TENM2: variants seen among roughly 807,000 people sequenced by gnomAD.
TENM2 encodes teneurin-2.
TENM2 carries 52 observed loss-of-function variants against 245.2 expected under a neutral mutation model. That is an observed-to-expected ratio of 0.21 (90% CI 0.17 to 0.27). The LOEUF is 0.27. Among genes scored for constraint, TENM2 ranks in the 10% least tolerant of loss-of-function variants. The pLI, the probability that TENM2 is intolerant of heterozygous loss-of-function variation, is 1.00. For synonymous variants in TENM2, 1,363 were observed against 1,438.9 expected (o/e 0.95, Z 1.19); for missense variants, 3,046 against 3,666.8 (o/e 0.83, Z 4.37).
At chr5:167,049,630 G>A in the TENM2 span, among the ~76,000 whole-genome samples, 1 of 152,150 alleles carries the variant, frequency 6.6e-6, no homozygotes, top group African/African-American at 2.4e-5. Context: ...TTTTTATAAT[G>A]TAAACAATAA....
At chr5:167,183,162 C>T in the TENM2 span, among the ~76,000 whole-genome samples, 1 of 152,022 alleles carries the variant, frequency 6.6e-6, no homozygotes, top group Admixed American at 6.6e-5. Flanking sequence ...CTCATTCACG[C>T]ACATGATTAG....
the TENM2 span, among the ~76,000 whole-genome samples, chr5:167,101,849 T>TTATATTTATATATATATATA: frequency 4.3e-5 from 3 of 69,438 alleles, no homozygotes; most frequent in South Asian, 1.4e-3. Flanking sequence ...ATATATATAT[T>TTATATTTATATATATATATA]TATATATATA....
At chr5:167,991,152 T>A (rs1783634146) in intron 4 of TENM2, among the ~76,000 whole-genome samples, 1 of 152,226 alleles carries the variant, frequency 6.6e-6, no homozygotes, top group East Asian at 1.9e-4. Context: ...ACATTCAGCA[T>A]TGTAACTGAC....
rs75639045 is a variant in TENM2, at chr5:167,288,250, T to C, written c.226+3187T>C. Among the ~76,000 whole-genome samples, 483 of 152,150 alleles carry C rather than the reference T, an allele frequency of 3.2e-3. 14 individuals are homozygous for C. In the East Asian group the frequency reaches 0.061, roughly 19 times the overall value. On this transcript the variant is annotated intron_variant, in intron 1 of 28. Transcript: ENST00000518659. ...AGGTATATTAAACAAACAACAATAATAACAATGACAAAGGAATAATGGCGA... is the reference window on the plus strand; with the variant it reads ...AGGTATATTAAACAAACAACAATAACAACAATGACAAAGGAATAATGGCGA...
intron 2 of TENM2, among the ~76,000 whole-genome samples, chr5:167,481,247 G>T (rs1191948736): frequency 6.6e-6 from 1 of 152,150 alleles, no homozygotes. Flanking sequence ...GCAAACTGCA[G>T]CCCACAGACC....
At chr5:168,160,066 T>C (rs961575439) in intron 12 of TENM2, among the ~76,000 whole-genome samples, 1 of 152,306 alleles carries the variant, frequency 6.6e-6, no homozygotes, top group East Asian at 1.9e-4. Flanking sequence ...CTCCACCAAA[T>C]AGATACCATG....
intron 25 of TENM2, among the ~76,000 whole-genome samples, chr5:168,238,428 G>C (rs936982704): frequency 6.6e-6 from 1 of 152,148 alleles, no homozygotes; most frequent in African/African-American, 2.4e-5. Context: ...GCCAGACAGG[G>C]AGACTCTCGT....
intron 2 of TENM2, among the ~76,000 whole-genome samples, chr5:167,575,924 T>G (rs960128142): frequency 2.6e-5 from 4 of 152,188 alleles, no homozygotes; most frequent in African/African-American, 9.7e-5. Flanking sequence ...AATTTTTCTC[T>G]GACTCCAGCT....
chr5:168,142,390 G>A (rs1755635206), intron 12 of TENM2, among the ~76,000 whole-genome samples: 1 of 152,246 alleles, frequency 6.6e-6, no homozygotes. Flanking sequence ...TCCATCACCA[G>A]TGAGATGGGG....
rs376801597 is a variant in TENM2 at position 167,504,270 on chromosome 5, A to T, written c.502+128797A>T. On this transcript the variant is annotated intron_variant, in intron 2 of 28. Coordinates refer to ENST00000518659, the Ensembl canonical transcript of TENM2. Reference sequence around the variant, plus strand: ...GAAACGTGGACCCCCATGCATGAAGATATTTATTACTTATTGATATTTAAA... The same window carrying T: ...GAAACGTGGACCCCCATGCATGAAGTTATTTATTACTTATTGATATTTAAA... 3.9e-5 allele frequency among the ~76,000 whole-genome samples: 6 copies of T among 152,304 alleles called. No individual in the cohort carries two copies. In the South Asian group the frequency reaches 8.3e-4, roughly 21 times the overall value.
chr5:167,269,657 C>T, the TENM2 span, among the ~76,000 whole-genome samples: 1 of 152,058 alleles, frequency 6.6e-6, no homozygotes, highest in Admixed American at 6.6e-5. Flanking sequence ...TTATATCACC[C>T]AGTACATTGC....
intron 2 of TENM2, among the ~76,000 whole-genome samples, chr5:167,677,017 G>A: frequency 6.6e-6 from 1 of 152,098 alleles, no homozygotes; most frequent in East Asian, 1.9e-4. Flanking sequence ...AGGGCACAAG[G>A]TGGTCAGTGG....
At chr5:167,684,678 G>A (rs966823811) in intron 2 of TENM2, among the ~76,000 whole-genome samples, 4 of 152,032 alleles carry the variant, frequency 2.6e-5, no homozygotes, top group Non-Finnish European at 5.9e-5. Flanking sequence ...TCCTTCCATC[G>A]CCAGAAGTCT....
At position 167,528,457 on chromosome 5, in the gene TENM2, G is replaced by A. The variant is rs546208093; in HGVS notation, c.502+152984G>A. Among the ~76,000 whole-genome samples, 8 of 152,180 alleles carry A rather than the reference G, an allele frequency of 5.3e-5. No individual in the cohort carries two copies. In the South Asian group the frequency reaches 6.2e-4, roughly 12 times the overall value. On this transcript the variant is annotated intron_variant, in intron 2 of 28. Coordinates refer to ENST00000518659, the Ensembl canonical transcript of TENM2. ...GGTGTAGCTTAATGTCTCAATCTGC[G>A]TCTGGGTAATTTCATCTTTAAACTT...
At chr5:167,230,050 C>T in the TENM2 span, among the ~76,000 whole-genome samples, 1 of 152,110 alleles carries the variant, frequency 6.6e-6, no homozygotes, top group East Asian at 1.9e-4. Flanking sequence ...GTGGCTCCTG[C>T]CTCAGCCCAG....
At chr5:167,605,006 T>G (rs1776927345) in intron 2 of TENM2, among the ~76,000 whole-genome samples, 1 of 152,180 alleles carries the variant, frequency 6.6e-6, no homozygotes, top group South Asian at 2.1e-4. Flanking sequence ...GATCAAAGAC[T>G]TGGAGGCACG....
the TENM2 span, among the ~76,000 whole-genome samples, chr5:167,027,241 T>C: frequency 6.6e-6 from 1 of 152,172 alleles, no homozygotes; most frequent in African/African-American, 2.4e-5. Flanking sequence ...TTTTGAAGTT[T>C]TGAGAGTTAC....
chr5:168,251,304 C>T (rs1294746316), intron 27 of TENM2, among the ~76,000 whole-genome samples: 1 of 152,100 alleles, frequency 6.6e-6, no homozygotes, highest in Non-Finnish European at 1.5e-5. Flanking sequence ...CAGAAAAGGC[C>T]AAAAAATAAT....
At chr5:168,125,703 G>A (rs1375742088) in intron 11 of TENM2, among the ~76,000 whole-genome samples, 1 of 151,758 alleles carries the variant, frequency 6.6e-6, no homozygotes, top group African/African-American at 2.4e-5. Context: ...GAATAGACGT[G>A]AAGCTTTGCC....
Sources: gnomAD v4.1 joint callset for allele counts (sites outside exome capture counted in the v4.1 genomes callset) on GRCh38, gnomAD v4.1.1 for gene constraint, MANE v1.5 for transcripts, NCBI Gene and HGNC (gene_info 2026-07-23, HGNC 2026-07-21) for gene names.